CHMP4C: variants seen among roughly 807,000 people sequenced by gnomAD.
CHMP4C encodes SNF7 homolog associated with Alix 3.
A neutral mutation model predicts 29.0 loss-of-function variants in CHMP4C; 28 were observed. The ratio of observed to expected loss-of-function variants is 0.97; its 90% CI spans 0.72 to 1.32. The LOEUF is 1.32. CHMP4C is among the 40% of genes most tolerant of loss of function. CHMP4C has a pLI of 0.00. For synonymous variants in CHMP4C, 106 were observed against 102.4 expected (o/e 1.04, Z -0.21); for missense variants, 291 against 281.0 (o/e 1.04, Z -0.25).
At position 81,748,924 on chromosome 8, in the gene CHMP4C, T is replaced by TAAA. The variant is rs34505643; in HGVS notation, c.191-4122_191-4120dup. On this transcript the variant is annotated intron_variant, in intron 1 of 4. Coordinates refer to ENST00000297265, the MANE Select transcript of CHMP4C (RefSeq NM_152284.4). ...CCTGGTGACAGAGTGAGACTCTGTG[T>TAAA]AAAAAAAAAAAAAAAAAAAATGCAA... Among the ~76,000 whole-genome samples the TAAA allele has an allele frequency of 5.1e-3, 613 of 120,284 alleles. 4 individuals are homozygous for TAAA. Among genetic ancestry groups the TAAA allele is most frequent in the Non-Finnish European group, 8.4e-3 (495 of 59,134 alleles). 78.9% of individuals were successfully genotyped at this position (120,284 alleles called of 152,430 possible).
chr8:81,758,096 G>T (rs752906063), intron 3 of CHMP4C, 46 bp from the exon 4 acceptor site: 10 of 1,586,294 alleles, frequency 6.3e-6, no homozygotes, highest in Non-Finnish European at 7.8e-6. Flanking sequence ...GGAAACCCAT[G>T]TCTTGAAACG....
intron 2 of CHMP4C, among the ~76,000 whole-genome samples, chr8:81,755,150 C>T (rs1808955368): frequency 2.0e-5 from 3 of 151,788 alleles, no homozygotes; most frequent in Admixed American, 2.0e-4. Flanking sequence ...TAGTGAGTTC[C>T]AAATGTAATA....
chr8:81,745,273 T>C (rs1477792203), intron 1 of CHMP4C, among the ~76,000 whole-genome samples: 4 of 152,206 alleles, frequency 2.6e-5, no homozygotes, highest in Non-Finnish European at 5.9e-5. Context: ...GCTTACTCTT[T>C]AAAGCCTCAT....
intron 1 of CHMP4C, among the ~76,000 whole-genome samples, chr8:81,748,971 T>A (rs1247495444): frequency 6.6e-6 from 1 of 151,964 alleles, no homozygotes; most frequent in Non-Finnish European, 1.5e-5. Context: ...ATGAATGTTG[T>A]ATAAATTGCT....
At chr8:81,755,846 G>A (rs150193072) in intron 3 of CHMP4C, among the ~76,000 whole-genome samples, 5 of 152,286 alleles carry the variant, frequency 3.3e-5, no homozygotes, top group African/African-American at 1.2e-4. Flanking sequence ...GACGTATCAT[G>A]CTCTGTAGCT....
intron 1 of CHMP4C, among the ~76,000 whole-genome samples, chr8:81,744,261 A>G (rs1257374282): frequency 6.6e-6 from 1 of 152,196 alleles, no homozygotes; most frequent in Admixed American, 6.5e-5. Flanking sequence ...TTTGAGGCTT[A>G]TAGTTCCCAA....
intron 1 of CHMP4C, among the ~76,000 whole-genome samples, chr8:81,747,319 A>T (rs909868022): frequency 3.3e-5 from 5 of 152,096 alleles, no homozygotes; most frequent in African/African-American, 1.2e-4. Context: ...ACATATTTTT[A>T]AATGGAGAAC....
intron 3 of CHMP4C, among the ~76,000 whole-genome samples, chr8:81,757,178 A>C (rs1213682410): frequency 6.6e-6 from 1 of 152,152 alleles, no homozygotes; most frequent in Non-Finnish European, 1.5e-5. Flanking sequence ...CCTTGAATAT[A>C]GGGAGTGTTG....
intron 2 of CHMP4C, among the ~76,000 whole-genome samples, chr8:81,753,752 C>T (rs912802711): frequency 4.6e-5 from 7 of 152,122 alleles, no homozygotes; most frequent in Admixed American, 2.6e-4. Context: ...ATTTTCTGGG[C>T]TATAATCCCA....
chr8:81,737,871 A>G (rs920379892), intron 1 of CHMP4C, among the ~76,000 whole-genome samples: 9 of 152,190 alleles, frequency 5.9e-5, no homozygotes, highest in Non-Finnish European at 8.8e-5. Flanking sequence ...TTTTTGGCCA[A>G]ATTTGGTCTT....
At chr8:81,752,030 A>G (rs1212218125) in intron 1 of CHMP4C, among the ~76,000 whole-genome samples, 1 of 152,150 alleles carries the variant, frequency 6.6e-6, no homozygotes. Context: ...AGAAAGTATA[A>G]TGGCTGAGTC....
intron 1 of CHMP4C, among the ~76,000 whole-genome samples, chr8:81,744,589 A>G: frequency 6.6e-6 from 1 of 152,132 alleles, no homozygotes; most frequent in African/African-American, 2.4e-5. Context: ...GAGCCTGCAA[A>G]TTACTCTGGG....
At chr8:81,755,524 T>C in intron 3 of CHMP4C, 40 bp downstream of exon 3, 1 of 1,189,212 alleles carries the variant, frequency 8.4e-7, no homozygotes, top group Non-Finnish European at 1.3e-6. Context: ...TTGTGGCTGC[T>C]ATAAAGAGTA....
At chr8:81,739,472 C>A (rs1425887862) in intron 1 of CHMP4C, among the ~76,000 whole-genome samples, 7 of 146,316 alleles carry the variant, frequency 4.8e-5, no homozygotes, top group Non-Finnish European at 1.0e-4. Flanking sequence ...ACAACCAATA[C>A]CTAGGCCAGA....
At chr8:81,753,725 A>G (rs1199604684) in intron 2 of CHMP4C, among the ~76,000 whole-genome samples, 1 of 152,170 alleles carries the variant, frequency 6.6e-6, no homozygotes, top group Admixed American at 6.6e-5. Flanking sequence ...AGTCATGAGC[A>G]TGGATTTGGG....
At chr8:81,752,465 A>G (rs183757296) in intron 1 of CHMP4C, among the ~76,000 whole-genome samples, 2 of 152,278 alleles carry the variant, frequency 1.3e-5, no homozygotes, top group Admixed American at 1.3e-4. Flanking sequence ...CCATTGTGCC[A>G]TCTAATCCTT....
chr8:81,745,616 G>A (rs1808813276), intron 1 of CHMP4C, among the ~76,000 whole-genome samples: 1 of 152,172 alleles, frequency 6.6e-6, no homozygotes, highest in Non-Finnish European at 1.5e-5. Flanking sequence ...GTTAAATTTT[G>A]GTTCAAATGG....
At chr8:81,739,394 G>A (rs773852975) in intron 1 of CHMP4C, among the ~76,000 whole-genome samples, 5 of 108,440 alleles carry the variant, frequency 4.6e-5, no homozygotes, top group Admixed American at 1.4e-4. Context: ...TACCATACTC[G>A]GTATTCTAAG....
chr8:81,754,376 AT>A (rs1177535863), intron 2 of CHMP4C, among the ~76,000 whole-genome samples: 1 of 152,124 alleles, frequency 6.6e-6, no homozygotes, highest in Non-Finnish European at 1.5e-5. Context: ...TTAAAAATAT[AT>A]TTGTTTTATA....
Sources: gnomAD v4.1 joint callset for allele counts (sites outside exome capture counted in the v4.1 genomes callset) on GRCh38, gnomAD v4.1.1 for gene constraint, MANE v1.5 for transcripts, NCBI Gene and HGNC (gene_info 2026-07-23, HGNC 2026-07-21) for gene names.